C2CD5: variants seen among roughly 807,000 people sequenced by gnomAD.
C2CD5 encodes C2 domain-containing protein 5.
In C2CD5, 109 loss-of-function variants were observed where a neutral mutation model predicts 130.3. That is an observed-to-expected ratio of 0.84 (90% confidence interval 0.72 to 0.98). C2CD5 has a LOEUF of 0.98. Among genes scored for constraint, C2CD5 ranks in the 50% least tolerant of loss-of-function variants. C2CD5 has a pLI of 0.00. For missense variants in C2CD5, 996 were observed against 1,261.8 expected, an observed-to-expected ratio of 0.79 and a Z score of 3.19; for synonymous variants, 454 against 429.2, an observed-to-expected ratio of 1.06 and a Z score of -0.71.
chr12:22,507,309 C>T (rs1378821456), intron 9 of C2CD5, among the ~76,000 whole-genome samples: 1 of 152,136 alleles, frequency 6.6e-6, no homozygotes, highest in African/African-American at 2.4e-5. Context: ...AGAGGATAAG[C>T]AGTGTGGGTT....
At chr12:22,459,840 T>C (rs377200102) in intron 22 of C2CD5, among the ~76,000 whole-genome samples, 8 of 152,196 alleles carry the variant, frequency 5.3e-5, no homozygotes, top group African/African-American at 1.9e-4. Context: ...CGAATGTGAG[T>C]ATGATGAAAG....
chr12:22,474,869 C>A lies in C2CD5; in HGVS notation c.1925G>T (p.Gly642Val), dbSNP rs534276705. 238 of 1,594,238 alleles carry A rather than the reference C, an allele frequency of 1.5e-4. No homozygotes were observed. The highest frequency in any genetic ancestry group is 1.0e-3 in the Middle Eastern group (6 of 6,000). ...TTGCCTAGGTTCTGGGATGGGTGAT[C>A]CTATAATCTCTTCAGATATCTCCTA... ...NPPEISEEII[G>V]SPIPEPRQRS... Residue 642 changes from glycine (G) to valine (V), a missense_variant, in exon 16 of 27, where the codon GGA (glycine) becomes GTA (valine). Physicochemically the swap from Gly to Val is moderately radical, Grantham distance 109. This residue lies in a region of C2CD5 where 590 missense variants were observed against 631.4 expected (regional missense o/e 0.93). Transcript: ENST00000446597.
intron 22 of C2CD5, among the ~76,000 whole-genome samples, chr12:22,464,875 A>G (rs1414798325): frequency 2.6e-5 from 4 of 152,334 alleles, no homozygotes; most frequent in Middle Eastern, 3.4e-3. Flanking sequence ...AAAGTAAAAG[A>G]TAACTTCTGT....
chr12:22,455,587 A>G (rs1264399931), intron 25 of C2CD5, among the ~76,000 whole-genome samples: 2 of 152,218 alleles, frequency 1.3e-5, no homozygotes, highest in East Asian at 1.9e-4. Context: ...TGGATGTAGA[A>G]GTATCATCTA....
intron 14 of C2CD5, among the ~76,000 whole-genome samples, chr12:22,482,160 T>C (rs757437396): frequency 6.6e-5 from 10 of 152,130 alleles, no homozygotes; most frequent in Admixed American, 3.3e-4. Flanking sequence ...TACTAGCTTA[T>C]AGTGGGGAAT....
intron 7 of C2CD5, among the ~76,000 whole-genome samples, chr12:22,522,213 G>A (rs1484919651): frequency 6.6e-6 from 1 of 152,292 alleles, no homozygotes; most frequent in African/African-American, 2.4e-5. Flanking sequence ...TGACTTAGAA[G>A]AATCTCTAGA....
intron 10 of C2CD5, 89 bp from the exon 11 acceptor site, chr12:22,493,426 G>A (rs113494069): frequency 1.1e-5 from 7 of 637,754 alleles, no homozygotes; most frequent in African/African-American, 7.5e-5. Flanking sequence ...ACTATGGGAA[G>A]TAAAGAAGTT....
intron 10 of C2CD5, among the ~76,000 whole-genome samples, chr12:22,498,790 T>C (rs1409442191): frequency 6.6e-6 from 1 of 152,170 alleles, no homozygotes; most frequent in Admixed American, 6.5e-5. Flanking sequence ...AACACTTGTT[T>C]TACTAACTCA....
intron 16 of C2CD5, among the ~76,000 whole-genome samples, chr12:22,474,085 C>G (rs1241933307): frequency 1.3e-5 from 2 of 152,124 alleles, no homozygotes; most frequent in African/African-American, 4.8e-5. Flanking sequence ...CAGCTTCCTG[C>G]TACACCAAGA....
At chr12:22,513,857 T>C (rs1363028396) in intron 8 of C2CD5, among the ~76,000 whole-genome samples, 1 of 152,166 alleles carries the variant, frequency 6.6e-6, no homozygotes, top group African/African-American at 2.4e-5. Context: ...CAGGTGAGTC[T>C]GAAATATAGT....
chr12:22,475,264 A>G (rs1461304001), intron 15 of C2CD5, among the ~76,000 whole-genome samples: 1 of 152,132 alleles, frequency 6.6e-6, no homozygotes, highest in African/African-American at 2.4e-5. Flanking sequence ...AAATTTAAAG[A>G]CTTATGTTCC....
intron 12 of C2CD5, among the ~76,000 whole-genome samples, chr12:22,488,085 C>G (rs763781007): frequency 1.3e-5 from 2 of 151,510 alleles, no homozygotes; most frequent in African/African-American, 4.9e-5. Context: ...AGGAGATAAA[C>G]CTAATGTTAA....
chr12:22,461,272 G>C (rs1042954229), intron 22 of C2CD5, among the ~76,000 whole-genome samples: 5 of 152,094 alleles, frequency 3.3e-5, no homozygotes, highest in African/African-American at 1.2e-4. Flanking sequence ...AGATTTGGTT[G>C]GTGTAGAATT....
chr12:22,544,064 C>T lies in C2CD5; in HGVS notation c.87G>A (p.Val29=). The change falls in exon 2 of 27, where the codon GTG becomes GTA. Residue 29 remains valine, a synonymous_variant. Coordinates refer to ENST00000446597, the MANE Select transcript of C2CD5 (RefSeq NM_001286176.2). ...DRASDLTDAF[V]EVKFGNTTFK... ...AGGGGCAGGACCCTGCACCAACCTCCACGAAGGCATCAGTCAGGTCACTAG... is the reference window on the plus strand; with the variant it reads ...AGGGGCAGGACCCTGCACCAACCTCTACGAAGGCATCAGTCAGGTCACTAG... 6.2e-7 allele frequency: 1 copy of T among 1,612,396 alleles called. No homozygotes were observed. The highest frequency in any genetic ancestry group is 8.5e-7 in the Non-Finnish European group (1 of 1,178,544).
intron 15 of C2CD5, among the ~76,000 whole-genome samples, chr12:22,475,716 C>A (rs756612446): frequency 6.6e-6 from 1 of 152,100 alleles, no homozygotes; most frequent in Non-Finnish European, 1.5e-5. Flanking sequence ...TAAAAGACTA[C>A]CACTGCACAA....
chr12:22,472,509 A>G (rs1022098916), intron 17 of C2CD5, 162 bp from the exon 18 acceptor site: 14 of 615,096 alleles, frequency 2.3e-5, no homozygotes, highest in Admixed American at 6.5e-5. Flanking sequence ...CTAATAAATT[A>G]TCACAGGTTT....
chr12:22,464,277 A>C (rs1246999933), intron 22 of C2CD5, among the ~76,000 whole-genome samples: 1 of 152,176 alleles, frequency 6.6e-6, no homozygotes, highest in Non-Finnish European at 1.5e-5. Context: ...TTTCTAATTA[A>C]AGGTGTACGA....
intron 9 of C2CD5, among the ~76,000 whole-genome samples, chr12:22,510,928 C>T (rs866192082): frequency 6.6e-6 from 1 of 152,196 alleles, no homozygotes. Context: ...CCCAGGAGTT[C>T]GAAACCAGCC....
At chr12:22,462,859 G>A (rs1941415622) in intron 22 of C2CD5, among the ~76,000 whole-genome samples, 1 of 152,046 alleles carries the variant, frequency 6.6e-6, no homozygotes, top group Non-Finnish European at 1.5e-5. Context: ...AACCTAAGTG[G>A]GCGGGTCAGT....
Sources: allele counts gnomAD v4.1 joint callset (sites outside exome capture counted in the v4.1 genomes callset), GRCh38; gene constraint gnomAD v4.1.1; regional missense constraint gnomAD v4.1.1; transcripts MANE v1.5; gene names NCBI Gene and HGNC (gene_info 2026-07-23, HGNC 2026-07-21).